COQ10B: variants seen among roughly 807,000 people sequenced by gnomAD.
COQ10B encodes coenzyme Q10B.
A neutral mutation model predicts 27.6 loss-of-function variants in COQ10B; 12 were observed. The observed-to-expected ratio is 0.43, with a 90% CI of 0.28 to 0.70. The LOEUF is 0.70. Ranked by LOEUF, COQ10B falls within the 30% of genes least tolerant of loss-of-function variation. The probability of loss-of-function intolerance (pLI) is 0.17; values close to 1 mark genes in which losing one functional copy is unlikely to be tolerated. For missense variants in COQ10B, 278 were observed against 288.7 expected, an observed-to-expected ratio of 0.96 and a Z score of 0.27; for synonymous variants, 115 against 103.0, an observed-to-expected ratio of 1.12 and a Z score of -0.71.
At chr2:197,461,861 A>G (rs1419205958) in intron 2 of COQ10B, among the ~76,000 whole-genome samples, 1 of 151,832 alleles carries the variant, frequency 6.6e-6, no homozygotes, top group Non-Finnish European at 1.5e-5. Context: ...GGCTGGTCTC[A>G]AACTCCTGAC....
chr2:197,463,245 G>A (rs550646208), intron 3 of COQ10B, among the ~76,000 whole-genome samples: 2 of 152,180 alleles, frequency 1.3e-5, no homozygotes, highest in East Asian at 1.9e-4. Context: ...AGGCCAAGGC[G>A]AGCGGATTAC....
chr2:197,467,090 G>A (rs2085832168), intron 3 of COQ10B, among the ~76,000 whole-genome samples: 1 of 151,630 alleles, frequency 6.6e-6, no homozygotes, highest in South Asian at 2.1e-4. Flanking sequence ...GGGATTATAG[G>A]CACGTGCCAC....
At chr2:197,472,024 A>G (rs2085882870) in intron 4 of COQ10B, among the ~76,000 whole-genome samples, 1 of 151,958 alleles carries the variant, frequency 6.6e-6, no homozygotes, top group Non-Finnish European at 1.5e-5. Context: ...TAGTAGTAGT[A>G]ACTCCCTCTG....
At chr2:197,473,415 A>AAAAAAT (rs1229206676) in intron 4 of COQ10B, among the ~76,000 whole-genome samples, 27 of 59,510 alleles carry the variant, frequency 4.5e-4, no homozygotes, top group East Asian at 4.2e-3. Context: ...AAAAAAAAAA[A>AAAAAAT]ATATATATAT....
At position 197,454,091 on chromosome 2, in the gene COQ10B, A is replaced by T. The variant is rs773133519; in HGVS notation, c.104+427A>T. On this transcript the variant is annotated intron_variant, in intron 1 of 4. Transcript: ENST00000263960. ...GGTTCCTTCTACCTGCCAGATGGTC[A>T]GATGCGTTTTCCCAATTTCTGAAAG... The T allele has an allele frequency of 2.1e-5, 32 of 1,550,696 alleles. No homozygotes were observed. The African/African-American group carries it at 3.9e-4, about 19-fold the overall frequency.
At chr2:197,473,066 C>G (rs2085895614) in intron 4 of COQ10B, among the ~76,000 whole-genome samples, 1 of 151,980 alleles carries the variant, frequency 6.6e-6, no homozygotes, top group Admixed American at 6.6e-5. Flanking sequence ...AGACTTTTTC[C>G]CTTGAAATGA....
In COQ10B at chr2:197,454,066, G is replaced by T. The variant is rs558369336; in HGVS notation, c.104+402G>T. 7.7e-6 allele frequency: 12 copies of T among 1,551,066 alleles called. No homozygotes were observed. The Admixed American group carries it at 1.2e-4, about 15-fold the overall frequency. ...TGTTTGGCGGTGAGCCCCCTTCTCC[G>T]GTTCCTTCTACCTGCCAGATGGTCA... On this transcript the variant is annotated intron_variant, in intron 1 of 4. Coordinates refer to ENST00000263960, the MANE Select transcript of COQ10B (RefSeq NM_025147.5).
intron 3 of COQ10B, among the ~76,000 whole-genome samples, chr2:197,465,975 C>G (rs891126832): frequency 6.6e-6 from 1 of 152,080 alleles, no homozygotes. Context: ...GCCTATAATC[C>G]CAGCTACTCG....
At position 197,474,683 on chromosome 2, in the gene COQ10B, C is replaced by G. The variant is rs1347324523; in HGVS notation, c.*759C>G. 1 of 152,280 alleles carries G rather than the reference C, an allele frequency of 6.6e-6. No individual in the cohort carries two copies. The highest frequency in any genetic ancestry group is 2.4e-5 in the African/African-American group (1 of 41,418). 9.4% of individuals were successfully genotyped at this position (152,280 alleles called of 1,614,324 possible). On this transcript the variant is annotated 3_prime_UTR_variant, in exon 5 of 5. Transcript: ENST00000263960. ...CCTGGGCAACAGAGGGAGACTCTGT[C>G]TCCAAAAACAAAAACAAAAACTGTT...
chr2:197,471,823 TC>T (rs2085880189), intron 4 of COQ10B, among the ~76,000 whole-genome samples: 1 of 151,788 alleles, frequency 6.6e-6, no homozygotes, highest in Non-Finnish European at 1.5e-5. Context: ...ATGCCTGTAG[TC>T]CTAGCTACTT....
intron 4 of COQ10B, among the ~76,000 whole-genome samples, chr2:197,473,413 AAAAT>A (rs1185781437): frequency 1.1e-3 from 63 of 58,616 alleles, no homozygotes; most frequent in African/African-American, 4.3e-3. Context: ...AAAAAAAAAA[AAAAT>A]ATATATATAT....
intron 3 of COQ10B, among the ~76,000 whole-genome samples, chr2:197,464,022 C>CACACACACACACACAT (rs1553574118): frequency 1.0e-5 from 1 of 99,686 alleles, no homozygotes; most frequent in Non-Finnish European, 2.0e-5. Context: ...CACACACACA[C>CACACACACACACACAT]ACACATACAT....
In COQ10B at chr2:197,473,973, T is replaced by G. The variant is rs1277005037; in HGVS notation, c.*49T>G. 16 of 1,361,654 alleles carry G rather than the reference T, an allele frequency of 1.2e-5. No homozygotes were observed. The highest frequency in any genetic ancestry group is 1.5e-5 in the Non-Finnish European group (15 of 1,030,192). The allele number at this position is 1,361,654 out of a possible 1,614,324, so 84.3% of individuals were successfully genotyped here. A position where few individuals can be genotyped will look rare whatever the true frequency, so the allele number is the denominator to read the frequency against. On this transcript the variant is annotated 3_prime_UTR_variant, in exon 5 of 5. Coordinates refer to ENST00000263960, the MANE Select transcript of COQ10B (RefSeq NM_025147.5). ...CTGCTTCTGACTTTAGTTTGTTCAC[T>G]TTTAGGAAGTATTTTCATGACATGT...
At chr2:197,453,763 G>A (rs745987363) in intron 1 of COQ10B, 99 bp downstream of exon 1, 8 of 1,159,308 alleles carry the variant, frequency 6.9e-6, no homozygotes, top group Non-Finnish European at 8.9e-6. Flanking sequence ...AGCCGGACTC[G>A]GTGCATTTCC....
chr2:197,470,203 C>T lies in COQ10B; in HGVS notation c.549+32C>T, dbSNP rs552458757. 41 of 1,297,520 alleles carry T rather than the reference C, an allele frequency of 3.2e-5. 1 individual carries two copies. The South Asian group carries it at 5.1e-4, about 16-fold the overall frequency. The allele number at this position is 1,297,520 out of a possible 1,614,324, so 80.4% of individuals were successfully genotyped here. ...CTCATAAAGCCCTTGATTTGTTCCA[C>T]TTATGAGGTAAAATTGGTAAAAAGT... On this transcript the variant is annotated intron_variant, in intron 4 of 4. Transcript: ENST00000263960.
chr2:197,471,673 G>C (rs2085878718), intron 4 of COQ10B, among the ~76,000 whole-genome samples: 1 of 152,008 alleles, frequency 6.6e-6, no homozygotes, highest in Non-Finnish European at 1.5e-5. Flanking sequence ...CAAGCACAGT[G>C]GCTCACGCCT....
intron 4 of COQ10B, among the ~76,000 whole-genome samples, chr2:197,472,522 G>C (rs546391389): frequency 1.6e-4 from 25 of 152,256 alleles, no homozygotes; most frequent in African/African-American, 6.0e-4. Flanking sequence ...TGAACCACGT[G>C]GCCGGGCGCA....
At chr2:197,459,480 C>G (rs954655183) in intron 1 of COQ10B, among the ~76,000 whole-genome samples, 1 of 152,172 alleles carries the variant, frequency 6.6e-6, no homozygotes, top group Non-Finnish European at 1.5e-5. Flanking sequence ...TACTCACCAT[C>G]TGGTAGGTGG....
chr2:197,457,216 C>A (rs1175055624), intron 1 of COQ10B, among the ~76,000 whole-genome samples: 2 of 152,202 alleles, frequency 1.3e-5, no homozygotes, highest in African/African-American at 4.8e-5. Context: ...TCCTAACAGG[C>A]CACGGACAGG....
Sources: allele counts gnomAD v4.1 joint callset (sites outside exome capture counted in the v4.1 genomes callset), GRCh38; gene constraint gnomAD v4.1.1; transcripts MANE v1.5; gene names NCBI Gene and HGNC (gene_info 2026-07-23, HGNC 2026-07-21).